The following MAPK10 variants were observed in gnomAD, a reference collection of about 807,000 sequenced individuals.
MAPK10 encodes JNK3 alpha protein kinase.
In MAPK10, 25 loss-of-function variants were observed where a neutral mutation model predicts 59.3. That is an observed-to-expected ratio of 0.42 (90% CI 0.31 to 0.59). The LOEUF is 0.59. Among genes scored for constraint, MAPK10 ranks in the 20% least tolerant of loss-of-function variants. MAPK10 has a pLI of 0.15. For missense variants in MAPK10, 351 were observed against 568.9 expected, an observed-to-expected ratio of 0.62 and a Z score of 3.90; for synonymous variants, 190 against 200.5, an observed-to-expected ratio of 0.95 and a Z score of 0.44.
At chr4:86,516,311 A>G (rs557851446) in intron 1 of MAPK10, among the ~76,000 whole-genome samples, 23 of 152,314 alleles carry the variant, frequency 1.5e-4, no homozygotes, top group African/African-American at 5.1e-4. Context: ...GAAGTCGGGT[A>G]ATGTGATGTC....
At chr4:86,387,318 T>C (rs1453448503) in intron 1 of MAPK10, among the ~76,000 whole-genome samples, 1 of 152,158 alleles carries the variant, frequency 6.6e-6, no homozygotes, top group African/African-American at 2.4e-5. Flanking sequence ...CCTGATTTAA[T>C]TTTGCCAATG....
chr4:86,456,689 C>T (rs549637630), upstream of MAPK10, among the ~76,000 whole-genome samples: 18 of 152,108 alleles, frequency 1.2e-4, no homozygotes, highest in South Asian at 2.1e-4. Context: ...AAAAAAAGTC[C>T]GGAACCAGAT....
chr4:86,509,678 G>T (rs1348110447), intron 1 of MAPK10, among the ~76,000 whole-genome samples: 1 of 152,136 alleles, frequency 6.6e-6, no homozygotes, highest in Admixed American at 6.5e-5. Flanking sequence ...TGGAAAAAAA[G>T]ATGTGAGATT....
chr4:86,163,274 A>G (rs2070453482), intron 3 of MAPK10, among the ~76,000 whole-genome samples: 1 of 152,152 alleles, frequency 6.6e-6, no homozygotes, highest in Admixed American at 6.5e-5. Context: ...CTAAGCTTAC[A>G]AATCTAAATT....
chr4:86,074,970 A>G (rs2048943670), intron 9 of MAPK10, among the ~76,000 whole-genome samples: 1 of 144,416 alleles, frequency 6.9e-6, no homozygotes, highest in African/African-American at 2.7e-5. Flanking sequence ...GTTCTCCTGG[A>G]TAATATCCTG....
At chr4:86,516,445 T>A (rs1435366642) in intron 1 of MAPK10, among the ~76,000 whole-genome samples, 2 of 152,184 alleles carry the variant, frequency 1.3e-5, no homozygotes, top group Non-Finnish European at 2.9e-5. Flanking sequence ...TGATGGCAAT[T>A]GCATTGAATT....
intron 1 of MAPK10, among the ~76,000 whole-genome samples, chr4:86,366,436 C>T (rs1737911767): frequency 6.6e-6 from 1 of 152,102 alleles, no homozygotes; most frequent in Admixed American, 6.6e-5. Flanking sequence ...AACTAAATTT[C>T]CTCTTGGGAA....
intron 9 of MAPK10, among the ~76,000 whole-genome samples, chr4:86,087,924 G>T (rs1257515259): frequency 6.6e-6 from 1 of 152,090 alleles, no homozygotes; most frequent in Non-Finnish European, 1.5e-5. Flanking sequence ...AATATGGTAT[G>T]GATGCACTAT....
chr4:86,526,852 A>G (rs887919726), intron 1 of MAPK10, among the ~76,000 whole-genome samples: 2 of 152,220 alleles, frequency 1.3e-5, no homozygotes, highest in South Asian at 4.1e-4. Flanking sequence ...TTTAATGTCC[A>G]TAAAACTGTG....
Position 86,354,629 on chromosome 4 carries a change from T to C in MAPK10, c.-106A>G. On this transcript the variant is annotated 5_prime_UTR_variant, in exon 2 of 14. Transcript: ENST00000641462. Reference sequence around the variant, plus strand: ...AGATCTGAGATGGGCCTGCTGTTGGTGTTTCTCACACTAGCCTGAAAGCAA... The same window carrying C: ...AGATCTGAGATGGGCCTGCTGTTGGCGTTTCTCACACTAGCCTGAAAGCAA... 2 of 1,224,822 alleles carry C rather than the reference T, an allele frequency of 1.6e-6. No individual in the cohort carries two copies. The highest frequency in any genetic ancestry group is 2.0e-6 in the Non-Finnish European group (2 of 981,418). 75.9% of individuals were successfully genotyped at this position (1,224,822 alleles called of 1,614,324 possible). A position where few individuals can be genotyped will look rare whatever the true frequency, so the allele number is the denominator to read the frequency against.
chr4:86,050,367 T>C (rs1463168586), intron 11 of MAPK10, among the ~76,000 whole-genome samples: 1 of 152,168 alleles, frequency 6.6e-6, no homozygotes, highest in East Asian at 1.9e-4. Context: ...CAGCGTACAC[T>C]TGAAGCTTAA....
chr4:86,192,975 T>C (rs2080296873), intron 3 of MAPK10: 1 of 152,184 alleles, frequency 6.6e-6, no homozygotes, highest in African/African-American at 2.4e-5. Flanking sequence ...ATGTCCTTTT[T>C]GTTGATGTTG....
chr4:86,030,989 G>C (rs997936867), intron 12 of MAPK10, among the ~76,000 whole-genome samples: 2 of 152,122 alleles, frequency 1.3e-5, no homozygotes, highest in African/African-American at 4.8e-5. Flanking sequence ...AACCATCTCA[G>C]AATTAATTTT....
intron 4 of MAPK10, among the ~76,000 whole-genome samples, chr4:86,111,876 T>G (rs1258025350): frequency 6.6e-6 from 1 of 152,118 alleles, no homozygotes; most frequent in East Asian, 1.9e-4. Flanking sequence ...TGGTAGGCTA[T>G]TTATTACTGC....
At chr4:86,440,809 A>G (rs1475079617) in intron 1 of MAPK10, among the ~76,000 whole-genome samples, 1 of 152,206 alleles carries the variant, frequency 6.6e-6, no homozygotes, top group East Asian at 1.9e-4. Flanking sequence ...AAAAGGTATT[A>G]CATGTTCCTC....
chr4:86,023,879 C>T (rs367666820), intron 13 of MAPK10: 183 of 130,306 alleles, frequency 1.4e-3, no homozygotes, highest in African/African-American at 5.2e-3. Context: ...AACTAGAAAG[C>T]CAGTGGAACC....
intron 9 of MAPK10, among the ~76,000 whole-genome samples, chr4:86,094,006 T>C (rs1004630929): frequency 2.0e-5 from 3 of 151,950 alleles, no homozygotes; most frequent in African/African-American, 7.2e-5. Context: ...AACTCTGTAT[T>C]GTCTTAATTC....
At chr4:86,078,532 T>C (rs2049971931) in intron 9 of MAPK10, among the ~76,000 whole-genome samples, 2 of 151,936 alleles carry the variant, frequency 1.3e-5, no homozygotes, top group Admixed American at 6.6e-5. Flanking sequence ...TAGTTCTTTG[T>C]GATTAAATTT....
intron 1 of MAPK10, among the ~76,000 whole-genome samples, chr4:86,385,234 G>A (rs925757631): frequency 2.6e-5 from 4 of 151,982 alleles, no homozygotes; most frequent in African/African-American, 9.6e-5. Flanking sequence ...AGCTACTGGG[G>A]AAAGAATTGG....
Sources: gnomAD v4.1 joint callset for allele counts (sites outside exome capture counted in the v4.1 genomes callset) on GRCh38, gnomAD v4.1.1 for gene constraint, MANE v1.5 for transcripts, NCBI Gene and HGNC (gene_info 2026-07-23, HGNC 2026-07-21) for gene names.